Variants in LOC400499 observed in about 807,000 individuals in gnomAD.
At chr16:11,497,210 G>A in the LOC400499 span, among the ~76,000 whole-genome samples, 3 of 152,170 alleles carry the variant, frequency 2.0e-5, no homozygotes, top group Non-Finnish European at 4.4e-5. Flanking sequence ...TGTGGGTTGT[G>A]TCCCATGTGT....
At chr16:11,446,845 C>T in the LOC400499 span, 17 of 1,536,072 alleles carry the variant, frequency 1.1e-5, no homozygotes, top group East Asian at 9.8e-5. Flanking sequence ...GCGCTGGTGT[C>T]GCCTATCAGC....
the LOC400499 span, among the ~76,000 whole-genome samples, chr16:11,513,425 A>T: frequency 0.016 from 2,401 of 151,450 alleles, 73 homozygotes; most frequent in African/African-American, 0.055. Context: ...AAAAATTTAA[A>T]AATTTATTTA....
chr16:11,475,566 T>G, the LOC400499 span: 16 of 398,474 alleles, frequency 4.0e-5, no homozygotes, highest in Non-Finnish European at 6.2e-5. Context: ...CTGGCATTTT[T>G]CCCTTCAACC....
the LOC400499 span, chr16:11,450,938 A>G: frequency 1.1e-6 from 1 of 894,256 alleles, no homozygotes; most frequent in Non-Finnish European, 1.7e-6. Flanking sequence ...AAAACTGGGA[A>G]TAACTAGGCA....
At chr16:11,391,560 T>A in the LOC400499 span, 1 of 1,003,018 alleles carries the variant, frequency 1.0e-6, no homozygotes, top group Non-Finnish European at 1.3e-6. Context: ...AGGCCACATT[T>A]CTGATTGAAA....
the LOC400499 span, chr16:11,385,467 C>T: frequency 2.4e-5 from 29 of 1,184,264 alleles, no homozygotes; most frequent in Middle Eastern, 3.2e-4. Flanking sequence ...CTCCACCCAC[C>T]GCAGTAGGAG....
the LOC400499 span, among the ~76,000 whole-genome samples, chr16:11,475,970 C>T: frequency 6.6e-6 from 1 of 152,080 alleles, no homozygotes; most frequent in East Asian, 1.9e-4. Context: ...GGGGATAGAG[C>T]AGGGCCTCCC....
the LOC400499 span, among the ~76,000 whole-genome samples, chr16:11,445,193 G>T: frequency 6.6e-6 from 1 of 152,120 alleles, no homozygotes; most frequent in Non-Finnish European, 1.5e-5. Flanking sequence ...GGCCAAGGCG[G>T]GCAGATCACT....
chr16:11,478,353 T>C, the LOC400499 span, among the ~76,000 whole-genome samples: 1 of 152,056 alleles, frequency 6.6e-6, no homozygotes, highest in Non-Finnish European at 1.5e-5. Flanking sequence ...TTTTATTTAA[T>C]ATCCCATTTC....
the LOC400499 span, among the ~76,000 whole-genome samples, chr16:11,515,730 G>GGGAGGAGGAGGAGGAAAAC: frequency 4.0e-5 from 6 of 149,002 alleles, no homozygotes; most frequent in African/African-American, 1.5e-4. Flanking sequence ...AGGAGGAAAA[G>GGGAGGAGGAGGAGGAAAAC]GGAGGAGGAG....
At chr16:11,444,287 A>G in the LOC400499 span, among the ~76,000 whole-genome samples, 1 of 152,132 alleles carries the variant, frequency 6.6e-6, no homozygotes, top group Non-Finnish European at 1.5e-5. Context: ...GGTCTCAGCT[A>G]CTTAGGAGGC....
chr16:11,437,731 T>C, the LOC400499 span, among the ~76,000 whole-genome samples: 1 of 152,178 alleles, frequency 6.6e-6, no homozygotes, highest in Non-Finnish European at 1.5e-5. Context: ...TATCTGGGTG[T>C]GGTGGCGCAT....
the LOC400499 span, chr16:11,393,602 C>G: frequency 1.6e-6 from 2 of 1,229,282 alleles, no homozygotes; most frequent in Admixed American, 4.2e-5. Context: ...CCTGGCCCAC[C>G]TGTCCCTGGT....
At chr16:11,475,109 T>G in the LOC400499 span, among the ~76,000 whole-genome samples, 1 of 152,156 alleles carries the variant, frequency 6.6e-6, no homozygotes, top group Non-Finnish European at 1.5e-5. Context: ...CCCTTGCAGC[T>G]TGTGGATTCA....
chr16:11,451,795 G>C, the LOC400499 span, among the ~76,000 whole-genome samples: 1 of 152,190 alleles, frequency 6.6e-6, no homozygotes, highest in Admixed American at 6.5e-5. Context: ...GGGAAACTGA[G>C]GCAGACAGGC....
chr16:11,437,856 G>A, the LOC400499 span, among the ~76,000 whole-genome samples: 12 of 152,154 alleles, frequency 7.9e-5, no homozygotes, highest in African/African-American at 2.2e-4. Context: ...GTGACAGAGC[G>A]AGACTCGGTC....
At chr16:11,373,065 T>C in the LOC400499 span, among the ~76,000 whole-genome samples, 1 of 152,206 alleles carries the variant, frequency 6.6e-6, no homozygotes, top group Non-Finnish European at 1.5e-5. Flanking sequence ...GACCAAGACA[T>C]AGTTCCTAGC....
At chr16:11,499,440 A>G in the LOC400499 span, among the ~76,000 whole-genome samples, 1,105 of 151,822 alleles carry the variant, frequency 7.3e-3, 20 homozygotes, top group African/African-American at 0.026. Context: ...CCTGGTGGCC[A>G]GCGTGCCACC....
the LOC400499 span, among the ~76,000 whole-genome samples, chr16:11,452,455 G>A: frequency 2.0e-5 from 3 of 152,244 alleles, no homozygotes; most frequent in East Asian, 1.9e-4. Flanking sequence ...CTGACCACAC[G>A]CGGGGTTCAT....
Sources: gnomAD v4.1 joint callset for allele counts (sites outside exome capture counted in the v4.1 genomes callset) on GRCh38, gnomAD v4.1.1 for gene constraint, MANE v1.5 for transcripts.